The following P4HA3 variants were observed in gnomAD, a reference collection of about 807,000 sequenced individuals.
The protein encoded by P4HA3 is prolyl 4-hydroxylase subunit alpha-3.
P4HA3 carries 60 observed loss-of-function variants against 66.7 expected under a neutral mutation model. The observed-to-expected ratio is 0.90, with a 90% CI of 0.73 to 1.12. P4HA3 has a LOEUF of 1.12. Among genes scored for constraint, P4HA3 ranks in the 50% most tolerant of loss-of-function variants. P4HA3 has a pLI of 0.00. For synonymous variants in P4HA3, 263 were observed against 274.6 expected (o/e 0.96, Z 0.42); for missense variants, 683 against 685.8 (o/e 1.00, Z 0.05).
At chr11:74,254,117 G>A (rs17132882) in intron 15 of P4HA3, 15,812 of 153,498 alleles carry the variant, frequency 0.1, 2,145 homozygotes, top group African/African-American at 0.32. Flanking sequence ...AGGTCCAGCC[G>A]GTCCAAGCAC....
intron 7 of P4HA3, among the ~76,000 whole-genome samples, chr11:74,280,536 G>T (rs1319980121): frequency 6.6e-6 from 1 of 152,146 alleles, no homozygotes; most frequent in Admixed American, 6.5e-5. Context: ...ATTTATATGA[G>T]GGTAAACATG....
chr11:74,298,239 C>T lies in P4HA3; in HGVS notation c.690G>A (p.Leu230=), dbSNP rs142768884. 1.3e-5 allele frequency: 21 copies of T among 1,614,022 alleles called. No homozygotes were observed. The African/African-American group carries it at 2.7e-4, about 20-fold the overall frequency. The change falls in exon 4 of 13, where the codon TTG becomes TTA. Residue 230 remains leucine (L), a synonymous_variant. Transcript: ENST00000331597. ...GGAAATAAGCAAAGGCCAAGTGATC[C>T]AAGGCATCTTCTAGACTTGCCTCAT... is the stretch of plus-strand genomic sequence containing the variant. The part of the protein sequence containing the change: ...TEDEASLEDA[L]DHLAFAYFRA...
chr11:74,252,015 A>G lies in P4HA3; in HGVS notation c.*1319-4014T>C, dbSNP rs943410359. On this transcript the variant is annotated intron_variant and NMD_transcript_variant, in intron 15 of 15. Coordinates refer to the P4HA3 transcript ENST00000524388. ...CCCCTTTGAGGAGGCTGGGATAGGA[A>G]TCAGTCCTTTTCCAGGCTCCTAGAG... 4.6e-5 allele frequency among the ~76,000 whole-genome samples: 7 copies of G among 151,832 alleles called. No individual in the cohort carries two copies. The South Asian group carries it at 1.5e-3, about 32-fold the overall frequency.
rs1180985570 is a variant in P4HA3, at chr11:74,254,049, C to T, written c.*1318+5874G>A. The T allele has an allele frequency of 1.9e-5, 3 of 154,908 alleles. No homozygotes were observed. In the East Asian group the frequency reaches 5.8e-4, roughly 30 times the overall value. The allele number at this position is 154,908 out of a possible 1,614,324, so 9.6% of individuals were successfully genotyped here. On this transcript the variant is annotated intron_variant and NMD_transcript_variant, in intron 15 of 15. Transcript: ENST00000524388. ...AGACCCAGAGAGGCCAAGATCCCAT[C>T]CTTAGCCATAGCGAGCGGTGGTGGT...
intron 15 of P4HA3, among the ~76,000 whole-genome samples, chr11:74,258,997 C>T (rs1859867266): frequency 6.6e-6 from 1 of 152,182 alleles, no homozygotes; most frequent in Non-Finnish European, 1.5e-5. Flanking sequence ...GCAATTCTAC[C>T]CCTACTCCTG....
chr11:74,286,684 TG>T (rs573271493), intron 5 of P4HA3, among the ~76,000 whole-genome samples: 59 of 152,322 alleles, frequency 3.9e-4, no homozygotes, highest in African/African-American at 1.4e-3. Context: ...ATGGCTGCTC[TG>T]GGATACTGTG....
Position 74,298,513 on chromosome 11 carries a change from T to A in P4HA3, c.568-152A>T. 4 of 898,294 alleles carry A rather than the reference T, an allele frequency of 4.5e-6. No individual in the cohort carries two copies. The South Asian group carries it at 6.9e-5, about 16-fold the overall frequency. 55.6% of individuals were successfully genotyped at this position (898,294 alleles called of 1,614,324 possible). A position where few individuals can be genotyped will look rare whatever the true frequency, so the allele number is the denominator to read the frequency against. ...TTCAATTTATTAAGCATCTACTATA[T>A]ACAACGCATTGTACTACGTGGAGAG... On this transcript the variant is annotated intron_variant, in intron 3 of 12. Transcript: ENST00000331597.
Position 74,266,921 on chromosome 11 carries a change from C to A in P4HA3, c.*327G>T. 8.2e-7 allele frequency: 1 copy of A among 1,219,692 alleles called. No individual in the cohort carries two copies. The highest frequency in any genetic ancestry group is 1.1e-6 in the Non-Finnish European group (1 of 902,658). The allele number at this position is 1,219,692 out of a possible 1,614,324, so 75.6% of individuals were successfully genotyped here. A position where few individuals can be genotyped will look rare whatever the true frequency, so the allele number is the denominator to read the frequency against. On this transcript the variant is annotated 3_prime_UTR_variant, in exon 13 of 13. Transcript: ENST00000331597. The stretch of plus-strand genomic sequence containing the variant: ...GGTCAAGGTTCAAAGTGCCAAAAGA[C>A]CCACTGATCGAACCTGAGACTGTTG...
downstream of P4HA3, among the ~76,000 whole-genome samples, chr11:74,261,790 CA>C (rs1349727789): frequency 3.3e-5 from 5 of 152,202 alleles, no homozygotes; most frequent in African/African-American, 7.2e-5. Context: ...GAATAAATGA[CA>C]GGCCACACAT....
At chr11:74,275,841 C>A (rs865820004) in intron 9 of P4HA3, among the ~76,000 whole-genome samples, 4 of 152,076 alleles carry the variant, frequency 2.6e-5, no homozygotes, top group Non-Finnish European at 5.9e-5. Flanking sequence ...ACAGAAAAAA[C>A]ACCTGCACCC....
At chr11:74,302,058 A>G (rs1482865354) in intron 3 of P4HA3, among the ~76,000 whole-genome samples, 1 of 152,180 alleles carries the variant, frequency 6.6e-6, no homozygotes, top group Non-Finnish European at 1.5e-5. Flanking sequence ...TTGTTCTAGC[A>G]TAATTAATAA....
In P4HA3 at chr11:74,285,901, C is replaced by T; in HGVS notation, c.1018G>A (p.Glu340Lys). 1 of 1,613,150 alleles carries T rather than the reference C, an allele frequency of 6.2e-7. No individual in the cohort carries two copies. The highest frequency in any genetic ancestry group is 8.5e-7 in the Non-Finnish European group (1 of 1,179,168). The change falls in exon 7 of 13, where the codon GAG becomes AAG. Residue 340 changes from glutamate to lysine, a missense_variant. Glu to Lys is a moderately conservative substitution (Grantham distance 56, BLOSUM62 1). Transcript: ENST00000331597. Reference protein sequence around the residue: ...AYLLLQPIRKEVIHLEPYIAL... With the variant: ...AYLLLQPIRKKVIHLEPYIAL... ...ATGTAGGGCTCCAGGTGGATGACCT[C>T]CTTCCGGATGGGCTGGAGCAGCAGG...
Position 74,268,217 on chromosome 11 carries a change from G to C in P4HA3, c.1492C>G (p.Leu498Val), listed in dbSNP as rs1565403565. The C allele has an allele frequency of 6.2e-7, 1 of 1,613,966 alleles. No homozygotes were observed. ...CTGTCCCCTTCACCACTCCTGTGCAGGTTCCACCAAAACAGTGCTGCATTC... is the reference window on the plus strand; with the variant it reads ...CTGTCCCCTTCACCACTCCTGTGCACGTTCCACCAAAACAGTGCTGCATTC... ...VRNAALFWWNLHRSGEGDSDT... is the reference protein window; with the variant it reads ...VRNAALFWWNVHRSGEGDSDT... Residue 498 changes from leucine (L) to valine (V), a missense_variant, in exon 12 of 13, where the codon CTG becomes GTG. Coordinates refer to ENST00000331597, the MANE Select transcript of P4HA3 (RefSeq NM_182904.5).
chr11:74,251,687 T>A lies in P4HA3; in HGVS notation c.*1319-3686A>T, dbSNP rs747576476. 3.7e-6 allele frequency: 6 copies of A among 1,613,962 alleles called. No homozygotes were observed. In the South Asian group the frequency reaches 5.5e-5, roughly 15 times the overall value. ...TGCCACTTTCCTGATCCGGCACAGG[T>A]TTGCAGAACCCATCGGTGGATTCCA... On this transcript the variant is annotated intron_variant and NMD_transcript_variant, in intron 15 of 15. Transcript: ENST00000524388.
chr11:74,298,459 G>T, intron 3 of P4HA3, 98 bp from the exon 4 acceptor site: 1 of 1,391,998 alleles, frequency 7.2e-7, no homozygotes, highest in Non-Finnish European at 9.7e-7. Context: ...AATCCAAGAA[G>T]GCAGGTTTTA....
chr11:74,252,906 G>C (rs1178528018), intron 15 of P4HA3, among the ~76,000 whole-genome samples: 1 of 152,162 alleles, frequency 6.6e-6, no homozygotes, highest in Non-Finnish European at 1.5e-5. Context: ...ACCTCAGCCA[G>C]CTCCTAGTCT....
At chr11:74,292,090 T>A (rs1861049455) in intron 4 of P4HA3, among the ~76,000 whole-genome samples, 1 of 152,210 alleles carries the variant, frequency 6.6e-6, no homozygotes, top group Non-Finnish European at 1.5e-5. Context: ...TTTTTTTGGT[T>A]GGTAAGCTAT....
downstream of P4HA3, among the ~76,000 whole-genome samples, chr11:74,265,223 G>A (rs536032342): frequency 2.6e-5 from 4 of 152,288 alleles, no homozygotes; most frequent in South Asian, 2.1e-4. Flanking sequence ...TTTCTGTCTC[G>A]TCTCAGGCCT....
intron 1 of P4HA3, among the ~76,000 whole-genome samples, chr11:74,306,815 T>C (rs1861593634): frequency 6.6e-6 from 1 of 152,190 alleles, no homozygotes; most frequent in South Asian, 2.1e-4. Flanking sequence ...AACCTGGACC[T>C]GGGTCTCCCA....
Sources: gnomAD v4.1 joint callset for allele counts (sites outside exome capture counted in the v4.1 genomes callset) on GRCh38, gnomAD v4.1.1 for gene constraint, MANE v1.5 for transcripts, NCBI Gene and HGNC (gene_info 2026-07-23, HGNC 2026-07-21) for gene names.